Variants in GFRAL observed in about 807,000 individuals in gnomAD.
GFRAL encodes GDNF family receptor alpha-like.
GFRAL carries 36 observed loss-of-function variants against 45.4 expected under a neutral mutation model. The observed-to-expected ratio is 0.79, with a 90% CI of 0.61 to 1.05. GFRAL has a LOEUF of 1.05. Among genes scored for constraint, GFRAL ranks in the 50% least tolerant of loss-of-function variants. The pLI is 0.00. For synonymous variants in GFRAL, 166 were observed against 154.1 expected, an observed-to-expected ratio of 1.08 and a Z score of -0.57; for missense variants, 507 against 467.5, an observed-to-expected ratio of 1.08 and a Z score of -0.78.
intron 3 of GFRAL, among the ~76,000 whole-genome samples, chr6:55,335,544 A>C (rs201575775): frequency 6.6e-6 from 1 of 152,172 alleles, no homozygotes; most frequent in Non-Finnish European, 1.5e-5. Context: ...AGATTTTCTC[A>C]TAAGATCTAG....
At chr6:55,357,071 C>T (rs1581910131) in intron 5 of GFRAL, among the ~76,000 whole-genome samples, 1 of 151,906 alleles carries the variant, frequency 6.6e-6, no homozygotes, top group East Asian at 1.9e-4. Flanking sequence ...GATATGATTT[C>T]AAGTTTTTGA....
At chr6:55,396,548 A>T (rs918628481) in intron 6 of GFRAL, among the ~76,000 whole-genome samples, 3 of 151,624 alleles carry the variant, frequency 2.0e-5, no homozygotes, top group Non-Finnish European at 4.4e-5. Flanking sequence ...GAATCCAGCT[A>T]CAGCTTTTTT....
At chr6:55,373,968 C>A (rs1768490589) in intron 6 of GFRAL, among the ~76,000 whole-genome samples, 1 of 152,150 alleles carries the variant, frequency 6.6e-6, no homozygotes, top group Admixed American at 6.6e-5. Flanking sequence ...TCTCATCATT[C>A]TGCTCCCACT....
chr6:55,387,008 C>T (rs1269187814), intron 6 of GFRAL, among the ~76,000 whole-genome samples: 1 of 152,130 alleles, frequency 6.6e-6, no homozygotes, highest in Non-Finnish European at 1.5e-5. Context: ...ACTCTAAAGG[C>T]ATAGGTGTTG....
intron 6 of GFRAL, among the ~76,000 whole-genome samples, chr6:55,377,836 A>T (rs973056188): frequency 8.5e-5 from 13 of 152,112 alleles, no homozygotes; most frequent in Admixed American, 8.5e-4. Flanking sequence ...CAAAGCATAA[A>T]GCAATGACTT....
intron 3 of GFRAL, among the ~76,000 whole-genome samples, chr6:55,343,336 C>T (rs909240018): frequency 2.6e-5 from 4 of 152,148 alleles, no homozygotes; most frequent in East Asian, 1.9e-4. Context: ...TCTCTCAGAC[C>T]ACGGTGCAAT....
rs1768595564 is a variant in GFRAL at position 55,380,603 on chromosome 6, G to C, written c.953-18577G>C. ...GGGAAAACCCAGTCACCAGCCATAG[G>C]TCCCAGATCCTCTTTTCACTTACAC... On this transcript the variant is annotated intron_variant, in intron 6 of 8. Coordinates refer to ENST00000340465, the MANE Select transcript of GFRAL (RefSeq NM_207410.2). Among the ~76,000 whole-genome samples the C allele has an allele frequency of 1.3e-5, 2 of 151,884 alleles. 1 individual carries two copies. The highest frequency in any genetic ancestry group is 4.2e-4 in the South Asian group (2 of 4,814).
intron 3 of GFRAL, among the ~76,000 whole-genome samples, chr6:55,344,162 G>T (rs1265118897): frequency 6.6e-6 from 1 of 152,106 alleles, no homozygotes; most frequent in Non-Finnish European, 1.5e-5. Flanking sequence ...AATAGAAAAA[G>T]AGGGAATGCT....
intron 4 of GFRAL, among the ~76,000 whole-genome samples, 171 bp downstream of exon 4, chr6:55,350,316 C>G (rs1012833501): frequency 1.3e-5 from 2 of 152,028 alleles, no homozygotes; most frequent in Non-Finnish European, 2.9e-5. Flanking sequence ...AATGATGCAT[C>G]AAAGCAACTA....
At chr6:55,361,044 A>T (rs76792976) in intron 6 of GFRAL, among the ~76,000 whole-genome samples, 7,641 of 152,108 alleles carry the variant, frequency 0.05, 288 homozygotes, top group African/African-American at 0.095. Flanking sequence ...TTCAGAGCAA[A>T]AAATTTGCAG....
intron 8 of GFRAL, among the ~76,000 whole-genome samples, chr6:55,400,258 TA>T (rs1470965402): frequency 6.6e-6 from 1 of 152,236 alleles, no homozygotes; most frequent in South Asian, 2.1e-4. Context: ...AATGAAGAAA[TA>T]TACATAAGTG....
chr6:55,349,796 A>G (rs1469475220), intron 3 of GFRAL, among the ~76,000 whole-genome samples: 1 of 149,650 alleles, frequency 6.7e-6, no homozygotes, highest in Non-Finnish European at 1.5e-5. Context: ...TCAGCATCCA[A>G]TGTTTGTTTA....
chr6:55,358,258 TA>T (rs1768221929), intron 5 of GFRAL, among the ~76,000 whole-genome samples: 1 of 151,916 alleles, frequency 6.6e-6, no homozygotes, highest in Non-Finnish European at 1.5e-5. Flanking sequence ...TAAATTGAAA[TA>T]ATTTTATTCT....
At chr6:55,380,434 T>C (rs1239925845) in intron 6 of GFRAL, among the ~76,000 whole-genome samples, 1 of 151,986 alleles carries the variant, frequency 6.6e-6, no homozygotes, top group African/African-American at 2.4e-5. Flanking sequence ...ACAGAGTGTG[T>C]TGAAAATATA....
intron 6 of GFRAL, among the ~76,000 whole-genome samples, chr6:55,379,931 G>A (rs9475275): frequency 0.11 from 16,912 of 151,730 alleles, 1,031 homozygotes; most frequent in African/African-American, 0.16. Context: ...GGCATTTTTC[G>A]TTCAGCACAA....
At position 55,342,453 on chromosome 6, in the gene GFRAL, A is replaced by C. The variant is rs749732200; in HGVS notation, c.317-7639A>C. Among the ~76,000 whole-genome samples the C allele has an allele frequency of 5.1e-3, 772 of 150,124 alleles. 7 individuals carry two copies. The highest frequency in any genetic ancestry group is 8.6e-3 in the Non-Finnish European group (573 of 66,412). ...TTCATAAGTGAAGGAGAAATAAAAT[A>C]CTTTACAGAAAAGCAAATGCTGAGA... On this transcript the variant is annotated intron_variant, in intron 3 of 8. Coordinates refer to ENST00000340465, the MANE Select transcript of GFRAL (RefSeq NM_207410.2).
intron 5 of GFRAL, 66 bp from the exon 6 acceptor site, chr6:55,358,822 G>A: frequency 6.9e-7 from 1 of 1,452,770 alleles, no homozygotes. Flanking sequence ...TAGGTGAGGG[G>A]GGATCACATG....
intron 5 of GFRAL, among the ~76,000 whole-genome samples, chr6:55,358,618 A>C (rs1250726457): frequency 6.6e-6 from 1 of 151,996 alleles, no homozygotes; most frequent in African/African-American, 2.4e-5. Flanking sequence ...CATTGGAATA[A>C]AATTAGTAAT....
At chr6:55,357,833 A>G (rs1338133135) in intron 5 of GFRAL, among the ~76,000 whole-genome samples, 2 of 151,738 alleles carry the variant, frequency 1.3e-5, no homozygotes, top group Non-Finnish European at 2.9e-5. Context: ...ACTTAGTAAA[A>G]CATATTTAAA....
Sources: gnomAD v4.1 joint callset for allele counts (sites outside exome capture counted in the v4.1 genomes callset) on GRCh38, gnomAD v4.1.1 for gene constraint, MANE v1.5 for transcripts, NCBI Gene and HGNC (gene_info 2026-07-23, HGNC 2026-07-21) for gene names.